The following MYCBP2 variants were observed in gnomAD, a reference collection of about 807,000 sequenced individuals.
MYCBP2 encodes MYC binding protein 2, also known as E3 ubiquitin-protein ligase MYCBP2.
Under a neutral mutation model 525.3 loss-of-function variants are expected in MYCBP2, and 120 were observed. The ratio of observed to expected loss-of-function variants is 0.23; its 90% CI spans 0.20 to 0.27. MYCBP2 has a LOEUF of 0.27. MYCBP2 is among the 10% of genes least tolerant of loss of function. The pLI is 1.00. For missense variants in MYCBP2, 4,149 were observed against 5,657.1 expected (o/e 0.73, Z 8.55); for synonymous variants, 1,894 against 1,955.8 (o/e 0.97, Z 0.83).
At chr13:77,144,889 T>C (rs2055271100) in intron 48 of MYCBP2, among the ~76,000 whole-genome samples, 1 of 152,172 alleles carries the variant, frequency 6.6e-6, no homozygotes. Flanking sequence ...ATGGAGGAAG[T>C]GTCCTGGATC....
chr13:77,093,933 G>A (rs1269463742), intron 58 of MYCBP2, among the ~76,000 whole-genome samples: 1 of 152,142 alleles, frequency 6.6e-6, no homozygotes, highest in East Asian at 1.9e-4. Context: ...TGCTGTGTTA[G>A]CATTTTTCAC....
intron 50 of MYCBP2, 134 bp downstream of exon 50, chr13:77,140,710 CTA>C: frequency 1.4e-6 from 1 of 726,740 alleles, no homozygotes; most frequent in Non-Finnish European, 2.4e-6. Flanking sequence ...GAACTACTCT[CTA>C]AATTTATTTA....
At chr13:77,123,569 GTTATGACCTATAAGGTCATT>G (rs1316977661) in intron 54 of MYCBP2, among the ~76,000 whole-genome samples, 5 of 152,130 alleles carry the variant, frequency 3.3e-5, no homozygotes, top group African/African-American at 7.2e-5. Context: ...AATTTATGTG[GTTATGACCTATAAGGTCATT>G]TTATAAATGG....
In MYCBP2 at chr13:77,296,093, C is replaced by T. The variant is rs1237413366; in HGVS notation, c.378+506G>A. 3.3e-5 allele frequency among the ~76,000 whole-genome samples: 5 copies of T among 152,062 alleles called. No individual in the cohort carries two copies. The East Asian group carries it at 9.6e-4, about 29-fold the overall frequency. On this transcript the variant is annotated intron_variant, in intron 2 of 82. Coordinates refer to ENST00000544440, the MANE Select transcript of MYCBP2 (RefSeq NM_015057.5). Reference sequence around the variant, plus strand: ...TAAATAGCAAATAATTTTCAACATCCAGATATTAACTTCCAGGCTACTGGT... The same window carrying T: ...TAAATAGCAAATAATTTTCAACATCTAGATATTAACTTCCAGGCTACTGGT...
intron 18 of MYCBP2, among the ~76,000 whole-genome samples, chr13:77,232,128 CAGACTG>C: frequency 1.3e-5 from 2 of 152,020 alleles, no homozygotes; most frequent in Admixed American, 1.3e-4. Flanking sequence ...GGCAAACTGA[CAGACTG>C]AAAGAGGCAA....
intron 44 of MYCBP2, among the ~76,000 whole-genome samples, chr13:77,161,453 T>G (rs1029449162): frequency 1.3e-5 from 2 of 152,188 alleles, no homozygotes; most frequent in African/African-American, 4.8e-5. Context: ...CCCTAACCAC[T>G]TAATATGACA....
At chr13:77,244,121 A>G (rs185640464) in intron 15 of MYCBP2, among the ~76,000 whole-genome samples, 170 bp from the exon 16 acceptor site, 2 of 152,254 alleles carry the variant, frequency 1.3e-5, no homozygotes, top group Non-Finnish European at 2.9e-5. Context: ...AGATATAAAT[A>G]GCAGAATAAT....
At chr13:77,251,779 C>T (rs1441854758) in intron 14 of MYCBP2, among the ~76,000 whole-genome samples, 1 of 152,122 alleles carries the variant, frequency 6.6e-6, no homozygotes, top group East Asian at 1.9e-4. Context: ...AATTTACAAA[C>T]CTCCAGTGAC....
At chr13:77,151,225 A>G (rs2056404369) in intron 46 of MYCBP2, among the ~76,000 whole-genome samples, 2 of 152,212 alleles carry the variant, frequency 1.3e-5, no homozygotes, top group Non-Finnish European at 2.9e-5. Context: ...CACCACTAAT[A>G]AAGTACAGGA....
intron 17 of MYCBP2, among the ~76,000 whole-genome samples, chr13:77,236,666 A>G (rs2067978022): frequency 6.6e-6 from 1 of 152,206 alleles, no homozygotes. Context: ...AATTTTACAC[A>G]GAATATGATT....
rs879878885 is a variant in MYCBP2 at position 77,236,872 on chromosome 13, AAAAT to A, written c.2630-3613_2630-3610del. Among the ~76,000 whole-genome samples the A allele has an allele frequency of 1.6e-3, 244 of 152,080 alleles. 1 individual carries two copies. Among genetic ancestry groups the A allele is most frequent in the Middle Eastern group, 3.4e-3 (1 of 292 alleles). On this transcript the variant is annotated intron_variant, in intron 17 of 82. Coordinates refer to ENST00000544440, the MANE Select transcript of MYCBP2 (RefSeq NM_015057.5). Reference sequence around the variant, plus strand: ...ACATAGCAAGATCCTGCCTCTACAAAAAATAAATAAATAAATAAATAAATAAAAG... The same window carrying A: ...ACATAGCAAGATCCTGCCTCTACAAAAAATAAATAAATAAATAAATAAAAG...
chr13:77,094,426 G>A (rs562691028), intron 58 of MYCBP2, among the ~76,000 whole-genome samples: 33 of 152,252 alleles, frequency 2.2e-4, no homozygotes, highest in African/African-American at 7.5e-4. Context: ...ATTCCACAGT[G>A]ATTTTTTAAT....
At chr13:77,316,270 T>A (rs1056865856) in intron 1 of MYCBP2, among the ~76,000 whole-genome samples, 5 of 152,158 alleles carry the variant, frequency 3.3e-5, no homozygotes, top group African/African-American at 1.2e-4. Context: ...TATATTCATA[T>A]CAAACAACTG....
At chr13:77,251,568 G>A (rs1444868463) in intron 14 of MYCBP2, among the ~76,000 whole-genome samples, 1 of 152,150 alleles carries the variant, frequency 6.6e-6, no homozygotes, top group Non-Finnish European at 1.5e-5. Flanking sequence ...GGCAAGGAAG[G>A]CTATTGTCAA....
chr13:77,228,928 C>A (rs549198381), intron 18 of MYCBP2, among the ~76,000 whole-genome samples: 1 of 152,134 alleles, frequency 6.6e-6, no homozygotes, highest in Non-Finnish European at 1.5e-5. Context: ...GGTAATCCTA[C>A]AGTCATGCAT....
chr13:77,134,213 T>C (rs952712809), intron 52 of MYCBP2, among the ~76,000 whole-genome samples: 11 of 151,960 alleles, frequency 7.2e-5, no homozygotes, highest in Admixed American at 1.3e-4. Flanking sequence ...TCTTAAGACA[T>C]AAAACTGGAA....
chr13:77,069,383 G>A (rs1001928664), intron 69 of MYCBP2, among the ~76,000 whole-genome samples: 1 of 152,192 alleles, frequency 6.6e-6, no homozygotes, highest in African/African-American at 2.4e-5. Flanking sequence ...AGCAATTTGG[G>A]AGGCCGAGGC....
Position 77,326,778 on chromosome 13 carries a change from TCGCCGCCGCCGC to T in MYCBP2, c.-15_-4del, listed in dbSNP as rs754197897. ...GCAGTCGCTGCGCACATCATCATCCTCGCCGCCGCCGCCGCCGCCGCCGCCTCGTCCCCGCGG... is the reference window on the plus strand; with the variant it reads ...GCAGTCGCTGCGCACATCATCATCCTCGCCGCCGCCGCCTCGTCCCCGCGG... On this transcript the variant is annotated 5_prime_UTR_variant, in exon 1 of 83. Coordinates refer to ENST00000544440, the MANE Select transcript of MYCBP2 (RefSeq NM_015057.5). The surrounding 1 kb of genome is among the most constrained non-coding windows in gnomAD (Gnocchi z 4.2). 4.4e-5 allele frequency: 62 copies of T among 1,400,818 alleles called. No homozygotes were observed. The highest frequency in any genetic ancestry group is 2.2e-4 in the South Asian group (14 of 63,392). The allele number at this position is 1,400,818 out of a possible 1,614,324, so 86.8% of individuals were successfully genotyped here.
intron 81 of MYCBP2, among the ~76,000 whole-genome samples, chr13:77,051,540 C>A (rs781447735): frequency 1.3e-5 from 2 of 152,164 alleles, no homozygotes; most frequent in Non-Finnish European, 2.9e-5. Flanking sequence ...CTAAAAGTTT[C>A]ACTGCACGTT....
Sources: gnomAD v4.1 joint callset for allele counts (sites outside exome capture counted in the v4.1 genomes callset) on GRCh38, gnomAD v4.1.1 for gene constraint, Gnocchi (gnomAD v3.1) non-coding constraint, MANE v1.5 for transcripts, NCBI Gene and HGNC (gene_info 2026-07-23, HGNC 2026-07-21) for gene names.